The following SPIRE1 variants were observed in gnomAD, a reference collection of about 807,000 sequenced individuals.
SPIRE1 encodes the protein protein spire homolog 1.
Under a neutral mutation model 94.1 loss-of-function variants are expected in SPIRE1, and 40 were observed. The observed-to-expected ratio is 0.43, with a 90% CI of 0.33 to 0.55. SPIRE1 has a LOEUF of 0.55. SPIRE1 is among the 20% of genes least tolerant of loss of function. The pLI is 0.06. For missense variants in SPIRE1, 838 were observed against 975.2 expected, an observed-to-expected ratio of 0.86 and a Z score of 1.87; for synonymous variants, 376 against 371.7, an observed-to-expected ratio of 1.01 and a Z score of -0.13.
At chr18:12,537,494 C>A (rs1245004463) in intron 3 of SPIRE1, among the ~76,000 whole-genome samples, 1 of 152,202 alleles carries the variant, frequency 6.6e-6, no homozygotes, top group African/African-American at 2.4e-5. Context: ...ACAAAACTTG[C>A]ACATTCAATT....
intron 6 of SPIRE1, among the ~76,000 whole-genome samples, chr18:12,499,262 A>G (rs190350822): frequency 1.1e-3 from 169 of 147,212 alleles, no homozygotes; most frequent in African/African-American, 4.5e-3. Context: ...GAAGAGACCT[A>G]TTCTTTCTCT....
At chr18:12,549,039 A>C (rs1347593777) in intron 2 of SPIRE1, among the ~76,000 whole-genome samples, 1 of 152,210 alleles carries the variant, frequency 6.6e-6, no homozygotes, top group Non-Finnish European at 1.5e-5. Flanking sequence ...TGTTCAGGAG[A>C]AGGTACCATT....
chr18:12,627,439 G>A (rs184507232), intron 2 of SPIRE1, among the ~76,000 whole-genome samples: 1 of 152,046 alleles, frequency 6.6e-6, no homozygotes, highest in Non-Finnish European at 1.5e-5. Flanking sequence ...TATGTGCCAC[G>A]TTTTCTTAAT....
At chr18:12,615,155 C>T (rs996266862) in intron 2 of SPIRE1, among the ~76,000 whole-genome samples, 15 of 150,298 alleles carry the variant, frequency 1.0e-4, no homozygotes, top group African/African-American at 3.2e-4. Flanking sequence ...TGGTTAACCC[C>T]GTTTCTACTA....
intron 1 of SPIRE1, among the ~76,000 whole-genome samples, chr18:12,652,236 A>G (rs1277669458): frequency 6.7e-6 from 1 of 149,708 alleles, no homozygotes; most frequent in Non-Finnish European, 1.5e-5. Context: ...GACCCTGTAT[A>G]CCAAAATGTG....
Position 12,644,944 on chromosome 18 carries a change from TAAAG to T in SPIRE1, c.338-9852_338-9849del, listed in dbSNP as rs529905423. Among the ~76,000 whole-genome samples the T allele has an allele frequency of 1.8e-3, 280 of 152,196 alleles. 1 individual carries two copies. Among genetic ancestry groups the T allele is most frequent in the African/African-American group, 6.4e-3 (266 of 41,542 alleles). ...ACAAATATTACTTCCATTTTACAAA[TAAAG>T]AAAGAGAGCGGCCGGGCACCATGGC... On this transcript the variant is annotated intron_variant, in intron 1 of 16. Coordinates refer to ENST00000409402, the MANE Select transcript of SPIRE1 (RefSeq NM_001128626.2).
upstream of SPIRE1, chr18:12,658,132 C>T: frequency 3.1e-6 from 3 of 965,670 alleles, no homozygotes; most frequent in Middle Eastern, 5.2e-4. Flanking sequence ...CCCCGCCCCG[C>T]CTCGCGCCGT....
intron 2 of SPIRE1, among the ~76,000 whole-genome samples, chr18:12,600,233 G>A (rs951503728): frequency 1.3e-5 from 2 of 152,048 alleles, no homozygotes; most frequent in African/African-American, 2.4e-5. Context: ...GCTGACACCT[G>A]AATTAGAATC....
chr18:12,630,478 G>A (rs1360998583), intron 2 of SPIRE1, among the ~76,000 whole-genome samples: 1 of 152,180 alleles, frequency 6.6e-6, no homozygotes, highest in Admixed American at 6.5e-5. Flanking sequence ...CGCCAACACG[G>A]CAAAACTCCA....
intron 9 of SPIRE1, among the ~76,000 whole-genome samples, chr18:12,484,937 A>G (rs973929287): frequency 6.6e-6 from 1 of 152,024 alleles, no homozygotes; most frequent in African/African-American, 2.4e-5. Flanking sequence ...AAATTCACTC[A>G]TATATATTTA....
chr18:12,549,437 TTG>T (rs1567926211), intron 2 of SPIRE1, among the ~76,000 whole-genome samples: 15 of 128,262 alleles, frequency 1.2e-4, no homozygotes, highest in African/African-American at 3.0e-4. Flanking sequence ...TTTGTTATTG[TTG>T]TTTTTTTTTT....
intron 3 of SPIRE1, among the ~76,000 whole-genome samples, chr18:12,539,926 TAAAA>T (rs71172096): frequency 8.3e-6 from 1 of 120,214 alleles, no homozygotes. Context: ...GACTCTGTCT[TAAAA>T]AAAAAAAAAA....
intron 1 of SPIRE1, chr18:12,653,438 A>G (rs1310837536): frequency 6.6e-6 from 1 of 152,182 alleles, no homozygotes; most frequent in Non-Finnish European, 1.5e-5. Context: ...TTATGCCCCA[A>G]TCCTGTGAAA....
intron 2 of SPIRE1, among the ~76,000 whole-genome samples, chr18:12,619,760 C>T (rs1421532311): frequency 6.7e-6 from 1 of 149,360 alleles, no homozygotes; most frequent in Non-Finnish European, 1.5e-5. Flanking sequence ...GCAGGAGAAT[C>T]TCTTGAACCC....
chr18:12,616,898 C>T (rs938335529), intron 2 of SPIRE1, among the ~76,000 whole-genome samples: 3 of 152,270 alleles, frequency 2.0e-5, no homozygotes, highest in Middle Eastern at 3.4e-3. Context: ...CTTGCTCTGT[C>T]GCCCAGGCTG....
At chr18:12,580,320 T>G (rs1321146944) in intron 2 of SPIRE1, among the ~76,000 whole-genome samples, 4 of 151,802 alleles carry the variant, frequency 2.6e-5, no homozygotes, top group African/African-American at 9.7e-5. Context: ...ATGTGTTCTC[T>G]CTCTCTCTCT....
intron 4 of SPIRE1, among the ~76,000 whole-genome samples, chr18:12,533,214 TGA>T (rs2034737588): frequency 6.6e-6 from 1 of 151,930 alleles, no homozygotes; most frequent in Non-Finnish European, 1.5e-5. Flanking sequence ...GGTGACAGAG[TGA>T]GAGATGTGGC....
intron 8 of SPIRE1, among the ~76,000 whole-genome samples, chr18:12,490,405 G>A (rs939268987): frequency 1.3e-5 from 2 of 152,060 alleles, no homozygotes; most frequent in Non-Finnish European, 2.9e-5. Flanking sequence ...ATTGAAAGAA[G>A]AATTAATGCC....
intron 2 of SPIRE1, among the ~76,000 whole-genome samples, chr18:12,621,168 C>A (rs1034977122): frequency 6.6e-6 from 1 of 152,110 alleles, no homozygotes; most frequent in Non-Finnish European, 1.5e-5. Context: ...TAAAGCAAAA[C>A]CACATGAAAT....
Sources: allele counts gnomAD v4.1 joint callset (sites outside exome capture counted in the v4.1 genomes callset), GRCh38; gene constraint gnomAD v4.1.1; transcripts MANE v1.5; gene names NCBI Gene and HGNC (gene_info 2026-07-23, HGNC 2026-07-21).